The following MYO1E variants were observed in gnomAD, a reference collection of about 807,000 sequenced individuals.
The protein encoded by MYO1E is myosin IE.
MYO1E carries 68 observed loss-of-function variants against 151.1 expected under a neutral mutation model. The observed-to-expected ratio is 0.45, with a 90% CI of 0.37 to 0.55. The LOEUF (loss-of-function observed/expected upper bound fraction) is 0.55. Ranked by LOEUF, MYO1E falls within the 20% of genes least tolerant of loss-of-function variation. The pLI is 0.00. For missense variants in MYO1E, 1,363 were observed against 1,389.3 expected, an observed-to-expected ratio of 0.98 and a Z score of 0.30; for synonymous variants, 601 against 501.7, an observed-to-expected ratio of 1.20 and a Z score of -2.64.
At chr15:59,235,975 G>A (rs2080060180) in intron 5 of MYO1E, among the ~76,000 whole-genome samples, 1 of 152,108 alleles carries the variant, frequency 6.6e-6, no homozygotes, top group Non-Finnish European at 1.5e-5. Context: ...TTTTCTATGA[G>A]TTGTCTTTCA....
chr15:59,138,227 G>A lies in MYO1E; in HGVS notation c.3221C>T (p.Ala1074Val), dbSNP rs1566961645. 6.2e-7 allele frequency: 1 copy of A among 1,614,168 alleles called. No homozygotes were observed. The highest frequency in any genetic ancestry group is 1.1e-5 in the South Asian group (1 of 91,082). ...AQDTDELSFN[A>V]NDIIDIIKED... ...TTTGATAATATCAATAATGTCATTG[G>A]CATTAAAGCTGAGTTCGTCTGTGTC... The change falls in exon 27 of 28, where the codon GCC becomes GTC. Residue 1074 changes from alanine (A) to valine (V), a missense_variant. Physicochemically the swap from Ala to Val is moderately conservative, Grantham distance 64. Coordinates refer to ENST00000288235, the MANE Select transcript of MYO1E (RefSeq NM_004998.4).
chr15:59,231,888 A>T (rs1035965460), intron 5 of MYO1E, 97 bp from the exon 6 acceptor site: 10 of 1,324,088 alleles, frequency 7.6e-6, no homozygotes, highest in Middle Eastern at 2.1e-4. Flanking sequence ...TGAATGCATT[A>T]AGGTGAGGGG....
chr15:59,151,680 AGGC>A (rs1566965110), intron 26 of MYO1E, among the ~76,000 whole-genome samples: 1 of 152,160 alleles, frequency 6.6e-6, no homozygotes, highest in African/African-American at 2.4e-5. Context: ...TGGGAGGCCA[AGGC>A]GGGTGGATTA....
intron 26 of MYO1E, among the ~76,000 whole-genome samples, chr15:59,142,920 CAAAAAAAAAAAA>C (rs10717979): frequency 1.1e-5 from 1 of 87,226 alleles, no homozygotes; most frequent in Non-Finnish European, 2.3e-5. Flanking sequence ...TAATTAGGTG[CAAAAAAAAAAAA>C]AAAAAAAAAA....
At chr15:59,300,891 A>T (rs2080478813) in intron 1 of MYO1E, among the ~76,000 whole-genome samples, 1 of 132,692 alleles carries the variant, frequency 7.5e-6, no homozygotes. Flanking sequence ...TTTTTGAGAC[A>T]GAGTATTGCT....
At chr15:59,212,516 A>C (rs2079885618) in intron 12 of MYO1E, 1 of 152,114 alleles carries the variant, frequency 6.6e-6, no homozygotes, top group South Asian at 2.1e-4. Context: ...TCAGAATGTG[A>C]GGTTTGGAAA....
At chr15:59,327,506 G>C (rs1487564436) in intron 1 of MYO1E, among the ~76,000 whole-genome samples, 1 of 151,748 alleles carries the variant, frequency 6.6e-6, no homozygotes, top group African/African-American at 2.4e-5. Flanking sequence ...ATAGACATGG[G>C]GTCTCCCTAT....
At chr15:59,139,567 CATT>C (rs1260081940) in intron 26 of MYO1E, among the ~76,000 whole-genome samples, 6 of 149,150 alleles carry the variant, frequency 4.0e-5, no homozygotes, top group Non-Finnish European at 7.4e-5. Flanking sequence ...CTCACCTTCT[CATT>C]ATTTCTTGTC....
At chr15:59,352,481 C>T (rs1405378401) in intron 1 of MYO1E, among the ~76,000 whole-genome samples, 1 of 152,090 alleles carries the variant, frequency 6.6e-6, no homozygotes, top group African/African-American at 2.4e-5. Context: ...GTCCGTGGAC[C>T]CACAACCTAA....
chr15:59,196,345 C>G (rs1321568184), intron 16 of MYO1E, among the ~76,000 whole-genome samples: 1 of 152,104 alleles, frequency 6.6e-6, no homozygotes, highest in Non-Finnish European at 1.5e-5. Context: ...TATTTTAAAC[C>G]CTGAGAATCT....
intron 26 of MYO1E, among the ~76,000 whole-genome samples, chr15:59,142,726 T>C (rs1318897495): frequency 6.6e-6 from 1 of 152,046 alleles, no homozygotes; most frequent in Non-Finnish European, 1.5e-5. Flanking sequence ...GCAGGCCACA[T>C]TGGTGCCTTC....
chr15:59,343,920 G>T (rs2080779746), intron 1 of MYO1E, among the ~76,000 whole-genome samples: 1 of 152,108 alleles, frequency 6.6e-6, no homozygotes, highest in African/African-American at 2.4e-5. Context: ...CCTCCTCTGT[G>T]TTACCTTGAA....
intron 1 of MYO1E, among the ~76,000 whole-genome samples, chr15:59,365,144 C>T (rs1193576347): frequency 6.6e-6 from 1 of 151,568 alleles, no homozygotes; most frequent in African/African-American, 2.4e-5. Context: ...CTCAGCCTCC[C>T]AAGTAGCTGA....
chr15:59,356,999 G>C (rs994773220), intron 1 of MYO1E, among the ~76,000 whole-genome samples: 2 of 151,720 alleles, frequency 1.3e-5, no homozygotes, highest in African/African-American at 4.9e-5. Context: ...TCCACCTCCC[G>C]GGTTCAAGCA....
At chr15:59,275,975 C>T (rs1305330815) in intron 1 of MYO1E, among the ~76,000 whole-genome samples, 2 of 152,120 alleles carry the variant, frequency 1.3e-5, no homozygotes, top group African/African-American at 4.8e-5. Context: ...GTTACATGGG[C>T]GGTGTGGTGG....
chr15:59,182,766 G>C (rs2079671510), intron 18 of MYO1E, among the ~76,000 whole-genome samples: 1 of 152,188 alleles, frequency 6.6e-6, no homozygotes, highest in African/African-American at 2.4e-5. Flanking sequence ...TGGCACTCGA[G>C]ACAGATCCGG....
At chr15:59,335,958 G>A (rs534150278) in intron 1 of MYO1E, among the ~76,000 whole-genome samples, 12 of 151,310 alleles carry the variant, frequency 7.9e-5, no homozygotes, top group Non-Finnish European at 1.6e-4. Context: ...GGCTCTCTCT[G>A]GTCACACAAA....
At chr15:59,365,863 C>G (rs1244722145) in intron 1 of MYO1E, among the ~76,000 whole-genome samples, 1 of 152,192 alleles carries the variant, frequency 6.6e-6, no homozygotes, top group Non-Finnish European at 1.5e-5. Flanking sequence ...AATGTAACTT[C>G]TGGAAACACC....
chr15:59,195,612 G>C (rs760257000), intron 16 of MYO1E, 45 bp from the exon 17 acceptor site: 1 of 1,523,122 alleles, frequency 6.6e-7, no homozygotes, highest in Admixed American at 1.7e-5. Context: ...TTTCTCTAAA[G>C]AAGACCAAAT....
Sources: allele counts gnomAD v4.1 joint callset (sites outside exome capture counted in the v4.1 genomes callset), GRCh38; gene constraint gnomAD v4.1.1; transcripts MANE v1.5; gene names NCBI Gene and HGNC (gene_info 2026-07-23, HGNC 2026-07-21).